Variants in COMT observed in about 807,000 individuals in gnomAD.
COMT encodes catechol O-methyltransferase.
Under a neutral mutation model 18.9 loss-of-function variants are expected in COMT, and 13 were observed. That is an observed-to-expected ratio of 0.69 (90% CI 0.45 to 1.09). COMT has a LOEUF of 1.09. COMT is among the 50% of genes least tolerant of loss of function. The pLI is 0.00. For missense variants in COMT, 329 were observed against 361.8 expected (o/e 0.91, Z 0.73); for synonymous variants, 150 against 160.9 (o/e 0.93, Z 0.51).
rs1261476907 is a variant in COMT, at chr22:19,968,482, G to A, written c.616-54G>A. ...GGAGCACCCATCCTGGTTTGGGGCA[G>A]GTTCTCTGGGCACCTCTGACCCTCA... On this transcript the variant is annotated intron_variant, in intron 5 of 5. Coordinates refer to ENST00000361682, the MANE Select transcript of COMT (RefSeq NM_000754.4). 19 of 1,564,988 alleles carry A rather than the reference G, an allele frequency of 1.2e-5. No homozygotes were observed. In the Admixed American group the frequency reaches 1.2e-4, roughly 10 times the overall value.
chr22:19,957,270 A>G (rs1360110820), intron 1 of COMT, among the ~76,000 whole-genome samples: 1 of 152,164 alleles, frequency 6.6e-6, no homozygotes, highest in Non-Finnish European at 1.5e-5. Flanking sequence ...TCTTTTAAAG[A>G]AAGATGAGAC....
At position 19,963,822 on chromosome 22, in the gene COMT, G is replaced by T. The variant is rs768277844; in HGVS notation, c.483+63G>T. 11 of 1,537,178 alleles carry T rather than the reference G, an allele frequency of 7.2e-6. No individual in the cohort carries two copies. The Admixed American group carries it at 1.3e-4, about 18-fold the overall frequency. On this transcript the variant is annotated intron_variant, in intron 4 of 5. Transcript: ENST00000361682. Reference sequence around the variant, plus strand: ...GGCCGGCTGTGGGCAGGGAGGGCATGCGCACTTTGTCCTCCCCACCAGGTG... The same window carrying T: ...GGCCGGCTGTGGGCAGGGAGGGCATTCGCACTTTGTCCTCCCCACCAGGTG...
intron 5 of COMT, chr22:19,967,140 T>G: frequency 7.7e-7 from 1 of 1,298,936 alleles, no homozygotes; most frequent in Non-Finnish European, 1.0e-6. Context: ...CCTTCCCTCC[T>G]TCTTTCCTGT....
chr22:19,968,585 T>C lies in COMT; in HGVS notation c.665T>C (p.Ile222Thr), dbSNP rs1352090775. The C allele has an allele frequency of 6.2e-7, 1 of 1,614,068 alleles. No individual in the cohort carries two copies. The highest frequency in any genetic ancestry group is 1.1e-5 in the South Asian group (1 of 91,088). Residue 222 changes from isoleucine to threonine, a missense_variant, in exon 6 of 6, where the codon ATC becomes ACC. By Grantham distance (89) the Ile-to-Thr change is moderately conservative (BLOSUM62 -1). Coordinates refer to ENST00000361682, the MANE Select transcript of COMT (RefSeq NM_000754.4). The part of the protein sequence containing the change: ...KGTVLLADNV[I>T]CPGAPDFLAH... ...ACAGTGCTACTGGCTGACAACGTGA[T>C]CTGCCCAGGTGCGCCAGACTTCCTA...
chr22:19,963,312 G>A, intron 3 of COMT: 2 of 596,874 alleles, frequency 3.4e-6, no homozygotes, highest in East Asian at 2.8e-5. Flanking sequence ...ATAGGGACCA[G>A]CGTGAGCATA....
chr22:19,947,026 C>T lies in COMT; in HGVS notation c.-92+5129C>T, dbSNP rs1160022009. Among the ~76,000 whole-genome samples, 16 of 150,474 alleles carry T rather than the reference C, an allele frequency of 1.1e-4. No individual in the cohort carries two copies. In the South Asian group the frequency reaches 3.4e-3, roughly 32 times the overall value. The stretch of plus-strand genomic sequence containing the variant: ...CGCCTCCTGGGCTCAAGCGATTCTC[C>T]TGCCTCAGCCCCCCAAGTAGCTGGG... On this transcript the variant is annotated intron_variant, in intron 1 of 5. Coordinates refer to ENST00000361682, the MANE Select transcript of COMT (RefSeq NM_000754.4).
At chr22:19,968,194 G>T (rs939322931) in intron 5 of COMT, among the ~76,000 whole-genome samples, 4 of 152,184 alleles carry the variant, frequency 2.6e-5, no homozygotes, top group Admixed American at 6.5e-5. Flanking sequence ...TCCTGGCACT[G>T]GGTGTTGAGG....
At chr22:19,961,739 G>A (rs1231658947) in intron 2 of COMT, 2 of 152,356 alleles carry the variant, frequency 1.3e-5, no homozygotes, top group Non-Finnish European at 2.9e-5. Flanking sequence ...CAGGCCTCCT[G>A]TGCTCTGCTC....
intron 2 of COMT, 60 bp from the exon 3 acceptor site, chr22:19,962,467 G>A: frequency 6.4e-7 from 1 of 1,550,546 alleles, no homozygotes. Context: ...AAGCAAAGGG[G>A]CGTGTGGGTG....
chr22:19,964,503 C>T, intron 5 of COMT: 1 of 792,202 alleles, frequency 1.3e-6, no homozygotes, highest in Non-Finnish European at 2.1e-6. Flanking sequence ...GGGCCAGGGG[C>T]CTGGCTGGGT....
At chr22:19,967,227 C>T in intron 5 of COMT, 6 of 1,303,848 alleles carry the variant, frequency 4.6e-6, no homozygotes, top group Non-Finnish European at 5.1e-6. Flanking sequence ...CCAGATTGGG[C>T]TCCTGAGTCC....
intron 1 of COMT, among the ~76,000 whole-genome samples, 199 bp from the exon 2 acceptor site, chr22:19,960,999 AG>A (rs1942179840): frequency 6.6e-6 from 1 of 152,192 alleles, no homozygotes; most frequent in South Asian, 2.1e-4. Context: ...GGACACTAGT[AG>A]GGATGTCCCT....
At chr22:19,949,984 A>G (rs72556506) in intron 1 of COMT, among the ~76,000 whole-genome samples, 2 of 152,200 alleles carry the variant, frequency 1.3e-5, no homozygotes, top group African/African-American at 4.8e-5. Context: ...AAAAAGTACA[A>G]AAAGTTACGC....
At position 19,941,801 on chromosome 22, in the gene COMT, C is replaced by T. The variant is rs1392112950; in HGVS notation, c.-188C>T. ...CCCGCAGCGCCACCGCCATTGCCGCCATCGTCGTGGGGCTTCTGGGGCAGC... is the reference window on the plus strand; with the variant it reads ...CCCGCAGCGCCACCGCCATTGCCGCTATCGTCGTGGGGCTTCTGGGGCAGC... On this transcript the variant is annotated 5_prime_UTR_variant, in exon 1 of 6. Coordinates refer to ENST00000361682, the MANE Select transcript of COMT (RefSeq NM_000754.4). 1.3e-6 allele frequency: 2 copies of T among 1,535,648 alleles called. No homozygotes were observed. Among genetic ancestry groups the T allele is most frequent in the East Asian group, 2.6e-5 (1 of 38,354 alleles).
chr22:19,945,519 T>C (rs775762751), intron 1 of COMT, among the ~76,000 whole-genome samples: 38 of 152,156 alleles, frequency 2.5e-4, no homozygotes, highest in Non-Finnish European at 4.1e-4. Context: ...TATATTGCCA[T>C]GAAAATAGAA....
intron 2 of COMT, chr22:19,962,144 G>C: frequency 3.2e-6 from 1 of 314,702 alleles, no homozygotes; most frequent in Non-Finnish European, 6.2e-6. Context: ...TCCGGGCCAT[G>C]GGGCTTCCCT....
At chr22:19,967,503 T>C (rs982486154) in intron 5 of COMT, 2 of 407,410 alleles carry the variant, frequency 4.9e-6, no homozygotes, top group Non-Finnish European at 9.8e-6. Flanking sequence ...AGCCGTGTGG[T>C]GTCCATACTG....
In COMT at chr22:19,963,649, C is replaced by T. The variant is rs199710929; in HGVS notation, c.373C>T (p.Arg125Cys). 7.5e-5 allele frequency: 121 copies of T among 1,612,742 alleles called. No individual in the cohort carries two copies. The highest frequency in any genetic ancestry group is 4.9e-4 in the Middle Eastern group (3 of 6,082). Residue 125 changes from arginine to cysteine, a missense_variant, in exon 4 of 6, where the codon CGC becomes TGC. Physicochemically the swap from Arg to Cys is radical, Grantham distance 180. Coordinates refer to ENST00000361682, the MANE Select transcript of COMT (RefSeq NM_000754.4). ...GGCCTACTGTGGCTACTCAGCTGTG[C>T]GCATGGCCCGCCTGCTGTCACCAGG... ...LGAYCGYSAV[R>C]MARLLSPGAR...
rs1255952971 is a variant in COMT, at chr22:19,962,795, T to C, written c.269T>C (p.Met90Thr). ...DTYCEQKEWAMNVGDKKGKIV... is the reference protein window; with the variant it reads ...DTYCEQKEWATNVGDKKGKIV... ...TACTGCGAGCAGAAGGAGTGGGCCA[T>C]GAACGTGGGCGACAAGAAAGGTGGG... Residue 90 changes from methionine (M) to threonine (T), a missense_variant, in exon 3 of 6, where the codon ATG becomes ACG. Physicochemically the swap from Met to Thr is moderately conservative, Grantham distance 81. Transcript: ENST00000361682. 1.2e-6 allele frequency: 2 copies of C among 1,605,610 alleles called. No individual in the cohort carries two copies. The highest frequency in any genetic ancestry group is 1.7e-6 in the Non-Finnish European group (2 of 1,173,258).
Sources: gnomAD v4.1 joint callset for allele counts (sites outside exome capture counted in the v4.1 genomes callset) on GRCh38, gnomAD v4.1.1 for gene constraint, MANE v1.5 for transcripts, NCBI Gene and HGNC (gene_info 2026-07-23, HGNC 2026-07-21) for gene names.